Variants in RBPJ observed in about 807,000 individuals in gnomAD.
RBPJ encodes recombination signal binding protein for immunoglobulin kappa J region.
A neutral mutation model predicts 67.8 loss-of-function variants in RBPJ; 9 were observed. That is an observed-to-expected ratio of 0.13 (90% CI 0.08 to 0.23). The LOEUF (loss-of-function observed/expected upper bound fraction) is 0.23. Among genes scored for constraint, RBPJ ranks in the 10% least tolerant of loss-of-function variants. The pLI is 1.00. For synonymous variants in RBPJ, 198 were observed against 203.3 expected, an observed-to-expected ratio of 0.97 and a Z score of 0.22; for missense variants, 305 against 595.6, an observed-to-expected ratio of 0.51 and a Z score of 5.08.
At chr4:26,243,353 G>A (rs776196615) in intron 1 of RBPJ, among the ~76,000 whole-genome samples, 1 of 152,220 alleles carries the variant, frequency 6.6e-6, no homozygotes, top group Non-Finnish European at 1.5e-5. Flanking sequence ...GTCTGTCACT[G>A]ACAAAACAAC....
At chr4:26,365,123 A>C (rs891721482) in intron 1 of RBPJ, among the ~76,000 whole-genome samples, 3 of 151,570 alleles carry the variant, frequency 2.0e-5, no homozygotes, top group Non-Finnish European at 4.4e-5. Context: ...ATATATACAC[A>C]CAGTGCAGGT....
the RBPJ span, among the ~76,000 whole-genome samples, chr4:26,122,512 TTGG>T: frequency 6.6e-6 from 1 of 152,158 alleles, no homozygotes; most frequent in Non-Finnish European, 1.5e-5. Flanking sequence ...GCAGAGATAT[TTGG>T]AGGAAGATAT....
chr4:26,395,197 CT>C (rs1413574369), intron 2 of RBPJ, among the ~76,000 whole-genome samples: 3 of 152,118 alleles, frequency 2.0e-5, no homozygotes, highest in Admixed American at 6.5e-5. Context: ...TGGCTCAAGC[CT>C]GTAATCCCAG....
intron 1 of RBPJ, among the ~76,000 whole-genome samples, chr4:26,348,427 T>C (rs1006693485): frequency 4.3e-4 from 65 of 152,258 alleles, no homozygotes; most frequent in African/African-American, 1.5e-3. Context: ...GTCTTTGGGA[T>C]CTTTATCCAT....
At chr4:26,357,938 A>G (rs1299878962) in intron 1 of RBPJ, among the ~76,000 whole-genome samples, 2 of 152,050 alleles carry the variant, frequency 1.3e-5, no homozygotes, top group Admixed American at 6.6e-5. Context: ...CATTCTATGC[A>G]TATACCACAT....
At chr4:26,206,401 C>T (rs1718171404) in intron 1 of RBPJ, among the ~76,000 whole-genome samples, 2 of 152,204 alleles carry the variant, frequency 1.3e-5, no homozygotes, top group Non-Finnish European at 2.9e-5. Context: ...CTCCCCCTCC[C>T]AGGAGCTCAC....
At chr4:26,175,641 T>G (rs1716770176) in intron 1 of RBPJ, among the ~76,000 whole-genome samples, 1 of 152,228 alleles carries the variant, frequency 6.6e-6, no homozygotes, top group South Asian at 2.1e-4. Context: ...CTGGGGTTGG[T>G]GTCCCCATTA....
chr4:26,397,850 G>A (rs1732298452), intron 2 of RBPJ, among the ~76,000 whole-genome samples: 1 of 152,096 alleles, frequency 6.6e-6, no homozygotes, highest in Non-Finnish European at 1.5e-5. Flanking sequence ...AGCCAGGATG[G>A]TCTCAATCTC....
intron 3 of RBPJ, among the ~76,000 whole-genome samples, chr4:26,407,131 ATTCACAAAGAAGCTTTCTTT>A (rs1733498551): frequency 6.6e-6 from 1 of 152,250 alleles, no homozygotes; most frequent in East Asian, 1.9e-4. Context: ...ACATTAGCTT[ATTCACAAAGAAGCTTTCTTT>A]TTGGTGGAAA....
At chr4:26,254,744 C>G (rs1359008539) in intron 1 of RBPJ, among the ~76,000 whole-genome samples, 2 of 144,850 alleles carry the variant, frequency 1.4e-5, no homozygotes, top group African/African-American at 2.8e-5. Context: ...GTGGTGCAAT[C>G]TCGGCTCACT....
At chr4:26,210,662 T>TTTTC (rs1049575904) in intron 1 of RBPJ, among the ~76,000 whole-genome samples, 1,123 of 30,036 alleles carry the variant, frequency 0.037, 106 homozygotes, top group African/African-American at 0.14. Context: ...TTTCTTTCTT[T>TTTTC]TTTCTTTCTT....
At chr4:26,180,694 A>C (rs1232898869) in intron 1 of RBPJ, among the ~76,000 whole-genome samples, 1 of 152,214 alleles carries the variant, frequency 6.6e-6, no homozygotes, top group African/African-American at 2.4e-5. Context: ...CAATGCATGA[A>C]TCTGGGGGGG....
intron 1 of RBPJ, among the ~76,000 whole-genome samples, chr4:26,173,862 T>C (rs944317332): frequency 2.6e-5 from 4 of 152,178 alleles, no homozygotes; most frequent in Non-Finnish European, 5.9e-5. Flanking sequence ...GCCGGAGCCC[T>C]GTGAAGGAGG....
At chr4:26,236,426 G>T (rs1481961302) in intron 1 of RBPJ, among the ~76,000 whole-genome samples, 1 of 152,182 alleles carries the variant, frequency 6.6e-6, no homozygotes, top group Admixed American at 6.5e-5. Flanking sequence ...TTCATTCAGG[G>T]TCTCTCATGA....
intron 1 of RBPJ, among the ~76,000 whole-genome samples, chr4:26,328,974 A>G (rs73113382): frequency 0.05 from 7,560 of 152,178 alleles, 244 homozygotes; most frequent in East Asian, 0.074. Context: ...TACAGAGGAC[A>G]AGGGTAAGGT....
chr4:26,168,040 T>C (rs1234219463), intron 1 of RBPJ, among the ~76,000 whole-genome samples: 3 of 152,032 alleles, frequency 2.0e-5, no homozygotes, highest in Non-Finnish European at 2.9e-5. Flanking sequence ...TGCCAGTCTG[T>C]GTCTTTTAAT....
the RBPJ span, among the ~76,000 whole-genome samples, chr4:26,114,501 A>ATATATATATATATATATG: frequency 6.9e-6 from 1 of 144,660 alleles, no homozygotes. Context: ...ATATATATGT[A>ATATATATATATATATATG]TGTGTGTGTG....
intron 1 of RBPJ, among the ~76,000 whole-genome samples, chr4:26,270,401 GAAAGAAAGAAAGAAAGAAAGAAA>G (rs1720857748): frequency 6.7e-5 from 4 of 59,922 alleles, no homozygotes; most frequent in Non-Finnish European, 1.2e-4. Flanking sequence ...AAGAAAGAAA[GAAAGAAAGAAAGAAAGAAAGAAA>G]GAAAGAAAGA....
intron 4 of RBPJ, 97 bp downstream of exon 4, chr4:26,415,737 A>G: frequency 1.7e-6 from 2 of 1,156,134 alleles, no homozygotes; most frequent in Non-Finnish European, 2.5e-6. Flanking sequence ...TTCTTTAATA[A>G]CTATTGGTAA....
Sources: gnomAD v4.1 joint callset for allele counts (sites outside exome capture counted in the v4.1 genomes callset) on GRCh38, gnomAD v4.1.1 for gene constraint, MANE v1.5 for transcripts, NCBI Gene and HGNC (gene_info 2026-07-23, HGNC 2026-07-21) for gene names.